Variants in MID1 observed in about 807,000 individuals in gnomAD.
MID1 encodes E3 ubiquitin-protein ligase Midline-1.
In MID1, 7 loss-of-function variants were observed where a neutral mutation model predicts 40.4. That is an observed-to-expected ratio of 0.17 (90% CI 0.10 to 0.33). The LOEUF is 0.33. Ranked by LOEUF, MID1 falls within the 10% of genes least tolerant of loss-of-function variation. MID1 has a pLI of 1.00. For missense variants in MID1, 367 were observed against 558.5 expected, an observed-to-expected ratio of 0.66 and a Z score of 3.46; for synonymous variants, 229 against 221.2, an observed-to-expected ratio of 1.04 and a Z score of -0.31.
chrX:10,794,231 T>A (rs1400384159), intron 1 of MID1, among the ~76,000 whole-genome samples: 1 of 111,833 alleles, frequency 8.9e-6, no homozygotes, highest in African/African-American at 3.3e-5. Flanking sequence ...GACCACAAAC[T>A]TCAGAAGGCC....
chrX:10,529,126 TA>T (rs961213638), intron 2 of MID1, among the ~76,000 whole-genome samples: 1 of 111,433 alleles, frequency 9.0e-6, no homozygotes, highest in African/African-American at 3.3e-5. Context: ...TTAAATAAAA[TA>T]AAAAACTTGT....
At chrX:10,597,183 G>A (rs1162774475) in intron 1 of MID1, among the ~76,000 whole-genome samples, 2 of 111,248 alleles carry the variant, frequency 1.8e-5, no homozygotes, top group Non-Finnish European at 3.8e-5. Context: ...ACCTATAGAA[G>A]GATCTAACCG....
At chrX:10,515,189 C>G (rs1932341193) in intron 3 of MID1, among the ~76,000 whole-genome samples, 1 of 112,378 alleles carries the variant, frequency 8.9e-6, no homozygotes, top group African/African-American at 3.2e-5. Context: ...AATGGTTCAT[C>G]TTTCTTTTTA....
chrX:10,703,463 C>T (rs1279158495), intron 1 of MID1, among the ~76,000 whole-genome samples: 1 of 111,286 alleles, frequency 9.0e-6, no homozygotes, highest in African/African-American at 3.3e-5. Flanking sequence ...GCCAGGAGTT[C>T]GAGACCAGCC....
chrX:10,688,082 A>G (rs1357405674), intron 1 of MID1, among the ~76,000 whole-genome samples: 1 of 110,936 alleles, frequency 9.0e-6, no homozygotes, highest in Non-Finnish European at 1.9e-5. Context: ...CTGGTCTCAA[A>G]CTTTTGGCCT....
At chrX:10,542,815 T>C (rs184016060) in intron 2 of MID1, among the ~76,000 whole-genome samples, 28 of 112,155 alleles carry the variant, frequency 2.5e-4, no homozygotes, top group African/African-American at 8.4e-4. Context: ...CAGGTCACAT[T>C]AGAAGGCAAC....
At chrX:10,609,021 T>G (rs377410326) in intron 1 of MID1, among the ~76,000 whole-genome samples, 3 of 112,095 alleles carry the variant, frequency 2.7e-5, no homozygotes, top group African/African-American at 9.7e-5. Flanking sequence ...TAGTGATAAG[T>G]GATCATGTCC....
chrX:10,696,930 A>C (rs1409792684), intron 1 of MID1, among the ~76,000 whole-genome samples: 1 of 112,150 alleles, frequency 8.9e-6, no homozygotes, highest in African/African-American at 3.2e-5. Context: ...AACAAACAGG[A>C]GGCTGACCTT....
intron 6 of MID1, 47 bp downstream of exon 6, chrX:10,474,576 A>G (rs760364580): frequency 8.5e-7 from 1 of 1,176,989 alleles, no homozygotes; most frequent in South Asian, 1.8e-5. Context: ...CAAAGTGTTT[A>G]TATCACTAAG....
rs558262162 is a variant in MID1, at chrX:10,503,421, C to T, written c.757-7730G>A. On this transcript the variant is annotated intron_variant, in intron 3 of 9. Coordinates refer to ENST00000317552, the MANE Select transcript of MID1 (RefSeq NM_000381.4). ...AGTGAATGAGAGAGAGAGAGAATGG[C>T]CTGGCTCCTGAGGTCTCTGTCTTTG... Among the ~76,000 whole-genome samples, 92 of 112,208 alleles carry T rather than the reference C, an allele frequency of 8.2e-4. No homozygotes were observed. The South Asian group carries it at 0.032, about 39-fold the overall frequency.
chrX:10,625,966 G>A (rs1272445557), intron 1 of MID1, among the ~76,000 whole-genome samples: 1 of 111,563 alleles, frequency 9.0e-6, no homozygotes, highest in African/African-American at 3.3e-5. Flanking sequence ...AATTGTAGCA[G>A]GAGGATGGAG....
At chrX:10,598,350 A>G (rs1317868305) in intron 1 of MID1, among the ~76,000 whole-genome samples, 2 of 112,318 alleles carry the variant, frequency 1.8e-5, no homozygotes, top group Non-Finnish European at 3.8e-5. Flanking sequence ...CCAAGGAGCA[A>G]GGCAGGAGCT....
At chrX:10,515,401 T>C (rs1016130662) in intron 3 of MID1, among the ~76,000 whole-genome samples, 1 of 111,905 alleles carries the variant, frequency 8.9e-6, no homozygotes, top group Non-Finnish European at 1.9e-5. Flanking sequence ...AGAAATCTAA[T>C]TAAACAGCCT....
intron 1 of MID1, among the ~76,000 whole-genome samples, chrX:10,709,962 C>A (rs1312213949): frequency 2.7e-5 from 3 of 111,827 alleles, no homozygotes; most frequent in Non-Finnish European, 3.8e-5. Context: ...GCAGATTCTT[C>A]TTCTTTTTTA....
intron 1 of MID1, among the ~76,000 whole-genome samples, chrX:10,810,504 C>T (rs7062861): frequency 0.031 from 3,492 of 111,650 alleles, 149 homozygotes; most frequent in African/African-American, 0.11. Flanking sequence ...ATGTTTGAGT[C>T]CCTGCTCCCT....
At chrX:10,449,904 AAGTGGGTGGAAAGT>A (rs1174720494) in intron 9 of MID1, among the ~76,000 whole-genome samples, 188 bp from the exon 10 acceptor site, 1 of 112,073 alleles carries the variant, frequency 8.9e-6, no homozygotes, top group African/African-American at 3.3e-5. Flanking sequence ...CAAACATGGA[AAGTGGGTGGAAAGT>A]AGTGGGTGGA....
At chrX:10,629,023 C>T (rs1302385261) in intron 1 of MID1, among the ~76,000 whole-genome samples, 1 of 110,895 alleles carries the variant, frequency 9.0e-6, no homozygotes, top group African/African-American at 3.3e-5. Context: ...TGCAGTATGC[C>T]CATGACTCAT....
At chrX:10,780,794 G>A (rs2043840189) in intron 1 of MID1, among the ~76,000 whole-genome samples, 1 of 111,769 alleles carries the variant, frequency 8.9e-6, no homozygotes, top group Non-Finnish European at 1.9e-5. Flanking sequence ...TAGATGTGGT[G>A]GTAGGGGGAT....
chrX:10,756,587 G>A (rs935195936), intron 1 of MID1, among the ~76,000 whole-genome samples: 9 of 111,560 alleles, frequency 8.1e-5, no homozygotes, highest in African/African-American at 2.9e-4. Context: ...ACACAAGCTC[G>A]GGTCAAGGCT....
Sources: gnomAD v4.1 joint callset for allele counts (sites outside exome capture counted in the v4.1 genomes callset) on GRCh38, gnomAD v4.1.1 for gene constraint, MANE v1.5 for transcripts, NCBI Gene and HGNC (gene_info 2026-07-23, HGNC 2026-07-21) for gene names.